Variants in UQCRC1 observed in about 807,000 individuals in gnomAD.
The protein encoded by UQCRC1 is cytochrome b-c1 complex subunit 1, mitochondrial.
Under a neutral mutation model 58.0 loss-of-function variants are expected in UQCRC1, and 34 were observed. The ratio of observed to expected loss-of-function variants is 0.59; its 90% CI spans 0.45 to 0.78. UQCRC1 has a LOEUF of 0.78. Among genes scored for constraint, UQCRC1 ranks in the 30% least tolerant of loss-of-function variants. UQCRC1 has a pLI of 0.00. For synonymous variants in UQCRC1, 276 were observed against 248.8 expected (o/e 1.11, Z -1.03); for missense variants, 610 against 646.0 (o/e 0.94, Z 0.60).
chr3:48,599,896 A>C (rs145477907), intron 11 of UQCRC1, among the ~76,000 whole-genome samples, 167 bp downstream of exon 11: 5 of 152,190 alleles, frequency 3.3e-5, no homozygotes, highest in Admixed American at 2.6e-4. Context: ...CACAGCCATC[A>C]GCACCTATGC....
intron 11 of UQCRC1, 107 bp downstream of exon 11, chr3:48,599,956 C>T: frequency 7.2e-7 from 1 of 1,392,224 alleles, no homozygotes; most frequent in Non-Finnish European, 1.0e-6. Context: ...CCTAGGACAC[C>T]AGGGATGCCT....
Position 48,603,670 on chromosome 3 carries a change from A to C in UQCRC1, c.627-27T>G, listed in dbSNP as rs371808760. On this transcript the variant is annotated intron_variant, in intron 5 of 12. Coordinates refer to ENST00000203407, the MANE Select transcript of UQCRC1 (RefSeq NM_003365.3). ...TACAAGACATATGGTCAGTGTGTCAACACCTCTACCACACTGGAGTGAGTT... is the reference window on the plus strand; with the variant it reads ...TACAAGACATATGGTCAGTGTGTCACCACCTCTACCACACTGGAGTGAGTT... 4.8e-4 allele frequency: 765 copies of C among 1,605,576 alleles called. 1 individual carries two copies. Among genetic ancestry groups the C allele is most frequent in the Non-Finnish European group, 5.6e-4 (653 of 1,173,686 alleles).
intron 3 of UQCRC1, 135 bp from the exon 4 acceptor site, chr3:48,604,915 C>A: frequency 7.7e-7 from 1 of 1,295,356 alleles, no homozygotes; most frequent in African/African-American, 1.5e-5. Context: ...GACACAGATC[C>A]CAGAGTCTGT....
At position 48,601,337 on chromosome 3, in the gene UQCRC1, C is replaced by T. The variant is rs748507872; in HGVS notation, c.822+15G>A. The T allele has an allele frequency of 1.2e-6, 2 of 1,613,518 alleles. No individual in the cohort carries two copies. The highest frequency in any genetic ancestry group is 1.7e-6 in the Non-Finnish European group (2 of 1,179,700). On this transcript the variant is annotated intron_variant, in intron 7 of 12. Coordinates refer to ENST00000203407, the MANE Select transcript of UQCRC1 (RefSeq NM_003365.3). ...CCCCCAGCTGAGCACTACTCCTGCC[C>T]AAAAGGCAGCATACCTCACTGCCAG...
chr3:48,608,530 A>G (rs148748136), intron 2 of UQCRC1, among the ~76,000 whole-genome samples: 1 of 152,346 alleles, frequency 6.6e-6, no homozygotes, highest in Non-Finnish European at 1.5e-5. Flanking sequence ...CTTAGTAACA[A>G]TTTAAATCGC....
chr3:48,609,429 C>T, intron 1 of UQCRC1, 123 bp downstream of exon 1: 1 of 1,513,230 alleles, frequency 6.6e-7, no homozygotes, highest in East Asian at 2.5e-5. Flanking sequence ...CGCCCTCCGC[C>T]GTGACCTTCC....
At position 48,599,039 on chromosome 3, in the gene UQCRC1, A is replaced by G; in HGVS notation, c.*89T>C. The stretch of plus-strand genomic sequence containing the variant: ...GATTTTATTGGTGGTCACCTGTGGC[A>G]CAGGTTAGAGGAGCCGAAGTGCTGT... On this transcript the variant is annotated 3_prime_UTR_variant, in exon 13 of 13. Coordinates refer to ENST00000203407, the MANE Select transcript of UQCRC1 (RefSeq NM_003365.3). 1 of 1,473,662 alleles carries G rather than the reference A, an allele frequency of 6.8e-7. No homozygotes were observed. Among genetic ancestry groups the G allele is most frequent in the Non-Finnish European group, 9.3e-7 (1 of 1,070,896 alleles). 91.3% of individuals were successfully genotyped at this position (1,473,662 alleles called of 1,614,324 possible).
intron 5 of UQCRC1, 66 bp from the exon 6 acceptor site, chr3:48,603,709 G>A (rs2046386484): frequency 6.9e-7 from 1 of 1,448,314 alleles, no homozygotes; most frequent in Non-Finnish European, 9.6e-7. Flanking sequence ...GTACATGCAT[G>A]AATGGGACTG....
chr3:48,609,603 G>C lies in UQCRC1; in HGVS notation c.18C>G (p.Val6=). The C allele has an allele frequency of 1.3e-6, 2 of 1,569,426 alleles. No homozygotes were observed. The highest frequency in any genetic ancestry group is 1.7e-6 in the Non-Finnish European group (2 of 1,161,542). The change falls in exon 1 of 13, where the codon GTC becomes GTG. Residue 6 remains valine, a synonymous_variant. Coordinates refer to ENST00000203407, the MANE Select transcript of UQCRC1 (RefSeq NM_003365.3). MAASV[V]CRAATAGAQV... is the part of the protein sequence containing the mutation. ...GTGCCCCGGCGGTAGCGGCCCGACA[G>C]ACCACGGACGCCGCCATCTTCCAGC...
rs763505903 is a variant in UQCRC1, at chr3:48,609,585, G to A, written c.36C>T (p.Ala12=). 4.4e-5 allele frequency: 69 copies of A among 1,571,414 alleles called. 1 individual carries two copies. The South Asian group carries it at 6.4e-4, about 15-fold the overall frequency. The change falls in exon 1 of 13, where the codon GCC becomes GCT. Residue 12 remains alanine (A), a synonymous_variant. Coordinates refer to ENST00000203407, the MANE Select transcript of UQCRC1 (RefSeq NM_003365.3). ...GGGCGCGCAATAGCACTTGTGCCCC[G>A]GCGGTAGCGGCCCGACAGACCACGG... The part of the protein sequence containing the change: ...AASVVCRAAT[A]GAQVLLRARR...
intron 6 of UQCRC1, among the ~76,000 whole-genome samples, chr3:48,602,523 G>GTT (rs1183025563): frequency 2.0e-4 from 26 of 128,702 alleles, no homozygotes; most frequent in Admixed American, 3.9e-4. Flanking sequence ...AAGCATGTTT[G>GTT]TTTTTTTTTT....
intron 2 of UQCRC1, among the ~76,000 whole-genome samples, chr3:48,607,708 G>A (rs544523769): frequency 2.0e-5 from 3 of 152,070 alleles, no homozygotes; most frequent in African/African-American, 7.2e-5. Context: ...ACTGGTGTAA[G>A]CCACTGTGCC....
Position 48,600,702 on chromosome 3 carries a change from T to A in UQCRC1, c.1105A>T (p.Met369Leu), listed in dbSNP as rs1488696013. ...TACCACTGCCCTTGCAGGACGAACATCATGTCATCGATTTTCATTCGGTCA... is the reference window on the plus strand; with the variant it reads ...TACCACTGCCCTTGCAGGACGAACAACATGTCATCGATTTTCATTCGGTCA... Reference protein sequence around the residue: ...VCDRMKIDDMMFVLQGQWMRL... With the variant: ...VCDRMKIDDMLFVLQGQWMRL... The change falls in exon 9 of 13, where the codon ATG becomes TTG. Residue 369 changes from methionine (M) to leucine (L), a missense_variant. Met to Leu is a conservative substitution (Grantham distance 15). Coordinates refer to ENST00000203407, the MANE Select transcript of UQCRC1 (RefSeq NM_003365.3). 6.2e-7 allele frequency: 1 copy of A among 1,613,962 alleles called. No homozygotes were observed. Among genetic ancestry groups the A allele is most frequent in the African/African-American group, 1.3e-5 (1 of 74,882 alleles).
At chr3:48,605,644 G>A (rs1177547057) in intron 3 of UQCRC1, 126 bp downstream of exon 3, 1 of 960,328 alleles carries the variant, frequency 1.0e-6, no homozygotes, top group African/African-American at 1.7e-5. Context: ...GCTCCTTTTA[G>A]GAAAGCCAGC....
At chr3:48,599,948 T>C (rs970335886) in intron 11 of UQCRC1, 115 bp downstream of exon 11, 1 of 1,333,510 alleles carries the variant, frequency 7.5e-7, no homozygotes, top group African/African-American at 1.4e-5. Context: ...GACAGCTGCC[T>C]AGGACACCAG....
intron 1 of UQCRC1, 79 bp from the exon 2 acceptor site, chr3:48,609,381 G>A: frequency 3.2e-6 from 5 of 1,544,384 alleles, no homozygotes; most frequent in Non-Finnish European, 3.5e-6. Flanking sequence ...GAGGACCCCC[G>A]AACCCCGCCC....
intron 2 of UQCRC1, among the ~76,000 whole-genome samples, chr3:48,608,503 G>A (rs59352296): frequency 0.025 from 3,793 of 152,282 alleles, 178 homozygotes; most frequent in African/African-American, 0.087. Context: ...GGAAGTTGCA[G>A]GCCACCTTTT....
At chr3:48,606,024 G>C (rs1007620732) in intron 2 of UQCRC1, among the ~76,000 whole-genome samples, 168 bp from the exon 3 acceptor site, 3 of 152,290 alleles carry the variant, frequency 2.0e-5, no homozygotes, top group Admixed American at 6.5e-5. Flanking sequence ...AGTCATGCTT[G>C]GAAAACAGGG....
rs182325913 is a variant in UQCRC1 at position 48,609,075 on chromosome 3, G to C, written c.210+87C>G. 4.3e-5 allele frequency: 65 copies of C among 1,516,226 alleles called. No homozygotes were observed. In the Middle Eastern group the frequency reaches 8.9e-4, roughly 21 times the overall value. The allele number at this position is 1,516,226 out of a possible 1,614,324, so 93.9% of individuals were successfully genotyped here. A position where few individuals can be genotyped will look rare whatever the true frequency, so the allele number is the denominator to read the frequency against. On this transcript the variant is annotated intron_variant, in intron 2 of 12. Coordinates refer to ENST00000203407, the MANE Select transcript of UQCRC1 (RefSeq NM_003365.3). ...TCCGAACCCAAACCACAAACGGGAA[G>C]ACTCGAGCCCAAGGTCACACCCCAA...
Sources: allele counts gnomAD v4.1 joint callset (sites outside exome capture counted in the v4.1 genomes callset), GRCh38; gene constraint gnomAD v4.1.1; transcripts MANE v1.5; gene names NCBI Gene and HGNC (gene_info 2026-07-23, HGNC 2026-07-21).